ROBO1: variants seen among roughly 807,000 people sequenced by gnomAD.
ROBO1 encodes roundabout homolog 1.
A neutral mutation model predicts 195.9 loss-of-function variants in ROBO1; 149 were observed. That is an observed-to-expected ratio of 0.76 (90% CI 0.67 to 0.87). The LOEUF (loss-of-function observed/expected upper bound fraction) is 0.87. Among genes scored for constraint, ROBO1 ranks in the 40% least tolerant of loss-of-function variants. The probability of loss-of-function intolerance (pLI) is 0.00; values close to 1 mark genes in which losing one functional copy is unlikely to be tolerated. For synonymous variants in ROBO1, 816 were observed against 733.2 expected, an observed-to-expected ratio of 1.11 and a Z score of -1.82; for missense variants, 1,933 against 2,068.3, an observed-to-expected ratio of 0.93 and a Z score of 1.27.
rs77236190 is a variant in ROBO1 at position 79,616,963 on chromosome 3, A to G, written c.-50-27002T>C. Among the ~76,000 whole-genome samples, 862 of 152,258 alleles carry G rather than the reference A, an allele frequency of 5.7e-3. 5 individuals are homozygous for G. The highest frequency in any genetic ancestry group is 0.018 in the African/African-American group (748 of 41,558). On this transcript the variant is annotated intron_variant, in intron 1 of 30. Coordinates refer to ENST00000464233, the MANE Select transcript of ROBO1 (RefSeq NM_002941.4). ...AGGGAAGAGGATCCACCCCAAGGCC[A>G]TTTTGGTGGTAGCTGCAGTTCAAGC...
intron 3 of ROBO1, among the ~76,000 whole-genome samples, chr3:79,017,477 G>GTGTGTGTA (rs1553659490): frequency 3.3e-5 from 5 of 151,388 alleles, no homozygotes; most frequent in Non-Finnish European, 7.4e-5. Flanking sequence ...GTGTGTGTGT[G>GTGTGTGTA]TGTGTGTGTG....
chr3:79,018,463 G>C, intron 3 of ROBO1: 1 of 1,613,888 alleles, frequency 6.2e-7, no homozygotes. Flanking sequence ...CGCAATCATT[G>C]TCCTCGGGTG....
intron 2 of ROBO1, among the ~76,000 whole-genome samples, chr3:79,138,593 A>C (rs1037204849): frequency 6.6e-5 from 10 of 152,010 alleles, no homozygotes. Context: ...TGGAAATAGA[A>C]TCTTATTTAA....
rs371958878 is a variant in ROBO1 at position 79,558,800 on chromosome 3, A to T, written c.88+31024T>A. Among the ~76,000 whole-genome samples the T allele has an allele frequency of 8.5e-5, 13 of 152,328 alleles. No homozygotes were observed. The East Asian group carries it at 9.6e-4, about 11-fold the overall frequency. ...CAATAGCAGAGTATGTGCAGAAAAAAATCACATAGTAATTTTTTGACATAG... is the reference window on the plus strand; with the variant it reads ...CAATAGCAGAGTATGTGCAGAAAAATATCACATAGTAATTTTTTGACATAG... On this transcript the variant is annotated intron_variant, in intron 2 of 30. Transcript: ENST00000464233.
intron 2 of ROBO1, among the ~76,000 whole-genome samples, chr3:79,220,058 G>T (rs113094821): frequency 2.2e-4 from 33 of 152,132 alleles, no homozygotes; most frequent in African/African-American, 7.9e-4. Context: ...CATAATAAAG[G>T]TGAAATATTT....
At position 78,918,137 on chromosome 3, in the gene ROBO1, T is replaced by G. The variant is rs76651869; in HGVS notation, c.499+20464A>C. 9.7e-4 allele frequency among the ~76,000 whole-genome samples: 148 copies of G among 152,300 alleles called. 5 individuals carry two copies. The East Asian group carries it at 0.026, about 26-fold the overall frequency. ...AGCATTCAAGTCTGTGAATAGTAGATTTTTAATCAACTATTTAAAGAACAC... is the reference window on the plus strand; with the variant it reads ...AGCATTCAAGTCTGTGAATAGTAGAGTTTTAATCAACTATTTAAAGAACAC... On this transcript the variant is annotated intron_variant, in intron 4 of 30. Coordinates refer to ENST00000464233, the MANE Select transcript of ROBO1 (RefSeq NM_002941.4).
intron 1 of ROBO1, among the ~76,000 whole-genome samples, chr3:79,617,811 ACT>A (rs1483957046): frequency 1.7e-5 from 2 of 114,868 alleles, no homozygotes; most frequent in African/African-American, 7.7e-5. Context: ...ACAAAGTGAG[ACT>A]CTGTCTCAAA....
intron 1 of ROBO1, among the ~76,000 whole-genome samples, chr3:79,695,680 T>A (rs1180013602): frequency 4.0e-5 from 6 of 151,398 alleles, no homozygotes; most frequent in Non-Finnish European, 7.4e-5. Flanking sequence ...ATTAAGAGCC[T>A]ATTAACAAAG....
At chr3:78,760,137 C>T (rs1330996243) in intron 4 of ROBO1, among the ~76,000 whole-genome samples, 4 of 152,078 alleles carry the variant, frequency 2.6e-5, no homozygotes, top group Non-Finnish European at 4.4e-5. Flanking sequence ...TCCTCTTTTC[C>T]GCCGCTATGT....
rs748547798 is a variant in ROBO1 at position 79,064,474 on chromosome 3, AC to A, written c.172+60981del. 4.6e-5 allele frequency among the ~76,000 whole-genome samples: 7 copies of A among 151,958 alleles called. No homozygotes were observed. The South Asian group carries it at 8.3e-4, about 18-fold the overall frequency. ...CTCTCTAATGTTTTTCCTGTACTTC[AC>A]CCTGTTAGTGTCTATTCTTGACACA... On this transcript the variant is annotated intron_variant, in intron 3 of 30. Coordinates refer to ENST00000464233, the MANE Select transcript of ROBO1 (RefSeq NM_002941.4).
At chr3:79,661,154 C>T (rs1291079104) in intron 1 of ROBO1, among the ~76,000 whole-genome samples, 2 of 152,062 alleles carry the variant, frequency 1.3e-5, no homozygotes, top group African/African-American at 4.8e-5. Context: ...ATGCTGTCAG[C>T]AGACAGCTTT....
intron 10 of ROBO1, among the ~76,000 whole-genome samples, chr3:78,681,614 C>G (rs1038114801): frequency 6.6e-6 from 1 of 152,084 alleles, no homozygotes; most frequent in South Asian, 2.1e-4. Context: ...AGACTTAAGA[C>G]GGAGAAGCAG....
intron 3 of ROBO1, among the ~76,000 whole-genome samples, chr3:79,115,642 G>T (rs1171192060): frequency 6.6e-6 from 1 of 152,078 alleles, no homozygotes; most frequent in Non-Finnish European, 1.5e-5. Flanking sequence ...AAGCAATGTT[G>T]AGCCATCAAT....
At chr3:79,020,320 T>C (rs1278540526) in intron 3 of ROBO1, among the ~76,000 whole-genome samples, 2 of 152,180 alleles carry the variant, frequency 1.3e-5, no homozygotes, top group Non-Finnish European at 2.9e-5. Flanking sequence ...TAACAAAAAA[T>C]ACACAAAGCA....
chr3:78,998,538 T>C (rs1048280607), intron 3 of ROBO1, among the ~76,000 whole-genome samples: 3 of 152,150 alleles, frequency 2.0e-5, no homozygotes, highest in Non-Finnish European at 4.4e-5. Context: ...CATCACAAAG[T>C]CAACCTAAGT....
intron 3 of ROBO1, among the ~76,000 whole-genome samples, chr3:78,979,336 T>C (rs1488870323): frequency 2.6e-5 from 4 of 152,156 alleles, no homozygotes; most frequent in Non-Finnish European, 2.9e-5. Context: ...ACACTGTCTT[T>C]GGAGCTAATT....
intron 2 of ROBO1, among the ~76,000 whole-genome samples, chr3:79,588,070 A>G: frequency 6.6e-6 from 1 of 151,662 alleles, no homozygotes; most frequent in East Asian, 1.9e-4. Flanking sequence ...TGAGTAATCA[A>G]TTTGTGCGGT....
At chr3:78,639,655 C>A in intron 22 of ROBO1, 89 bp downstream of exon 22, 1 of 1,294,912 alleles carries the variant, frequency 7.7e-7, no homozygotes, top group South Asian at 1.7e-5. Flanking sequence ...CAAATTTTAT[C>A]TTTCCCATGT....
At chr3:79,160,346 G>A (rs1157243911) in intron 2 of ROBO1, among the ~76,000 whole-genome samples, 1 of 151,386 alleles carries the variant, frequency 6.6e-6, no homozygotes, top group African/African-American at 2.4e-5. Flanking sequence ...TTAAAGTTAG[G>A]CTTTCTTTAA....
Sources: gnomAD v4.1 joint callset for allele counts (sites outside exome capture counted in the v4.1 genomes callset) on GRCh38, gnomAD v4.1.1 for gene constraint, MANE v1.5 for transcripts, NCBI Gene and HGNC (gene_info 2026-07-23, HGNC 2026-07-21) for gene names.